PBRM1: variants seen among roughly 807,000 people sequenced by gnomAD.
The protein encoded by PBRM1 is protein polybromo-1.
PBRM1 carries 27 observed loss-of-function variants against 194.5 expected under a neutral mutation model. The observed-to-expected ratio is 0.14, with a 90% confidence interval of 0.10 to 0.19. The LOEUF is 0.19. PBRM1 is among the 10% of genes least tolerant of loss of function. The probability of loss-of-function intolerance (pLI) is 1.00; values close to 1 mark genes in which losing one functional copy is unlikely to be tolerated. For missense variants in PBRM1, 1,466 were observed against 2,077.2 expected (o/e 0.71, Z 5.72); for synonymous variants, 655 against 693.2 (o/e 0.94, Z 0.87).
chr3:52,685,708 C>G (rs1479272612), intron 1 of PBRM1, 41 bp downstream of exon 1: 1 of 153,250 alleles, frequency 6.5e-6, no homozygotes, highest in Admixed American at 6.6e-5. Context: ...CGGCAGCTGA[C>G]CAAGGGGGAG....
At chr3:52,593,961 G>C (rs1026218158) in intron 17 of PBRM1, among the ~76,000 whole-genome samples, 9 of 152,168 alleles carry the variant, frequency 5.9e-5, no homozygotes, top group Admixed American at 5.9e-4. Flanking sequence ...CCAGTGTTGT[G>C]TTCAGGTCCG....
chr3:52,637,009 AC>A (rs995952861), intron 10 of PBRM1, among the ~76,000 whole-genome samples: 4 of 152,270 alleles, frequency 2.6e-5, no homozygotes, highest in African/African-American at 9.6e-5. Context: ...AAGTTCAGCC[AC>A]CACATAAAGC....
At chr3:52,644,673 A>T in intron 8 of PBRM1, 31 bp downstream of exon 9, 1 of 1,101,352 alleles carries the variant, frequency 9.1e-7, no homozygotes, top group Non-Finnish European at 1.4e-6. Flanking sequence ...ATGAGCCACC[A>T]CGCCCAGCCT....
intron 5 of PBRM1, among the ~76,000 whole-genome samples, chr3:52,655,060 A>C (rs1260560473): frequency 6.6e-6 from 1 of 151,996 alleles, no homozygotes; most frequent in Non-Finnish European, 1.5e-5. Context: ...CTTCTTTTAT[A>C]ATTTTTTTTA....
At chr3:52,626,908 T>C (rs1577019070) in intron 13 of PBRM1, among the ~76,000 whole-genome samples, 1 of 152,228 alleles carries the variant, frequency 6.6e-6, no homozygotes, top group East Asian at 1.9e-4. Flanking sequence ...AATTTCTCCT[T>C]ACCTTTCCTA....
At position 52,609,408 on chromosome 3, in the gene PBRM1, T is replaced by G. The variant is rs1371148077; in HGVS notation, c.2472A>C (p.Ile824=). 1 of 1,613,776 alleles carries G rather than the reference T, an allele frequency of 6.2e-7. No homozygotes were observed. The highest frequency in any genetic ancestry group is 8.5e-7 in the Non-Finnish European group (1 of 1,179,688). ...GATTATTTTCAACATTCTTCCTAAT[T>G]ATGTCAAATGTAAGGGGTGGTTTGT... The change falls in exon 16 of 30, where the codon ATA becomes ATC. Residue 824 remains isoleucine (I), a synonymous_variant. Coordinates refer to ENST00000296302, the Ensembl canonical transcript of PBRM1. The surrounding 1 kb of genome is among the most constrained non-coding windows in gnomAD (Gnocchi z 4.1).
chr3:52,550,348 A>G (rs2080632948), intron 29 of PBRM1, 73 bp downstream of exon 31: 1 of 638,316 alleles, frequency 1.6e-6, no homozygotes, highest in Admixed American at 3.1e-5. Flanking sequence ...TGTATGATAT[A>G]CTATGCTAAC....
chr3:52,598,729 T>TA (rs1226371125), intron 17 of PBRM1, among the ~76,000 whole-genome samples: 2 of 151,788 alleles, frequency 1.3e-5, no homozygotes, highest in Non-Finnish European at 2.9e-5. Context: ...ACAAGTAATT[T>TA]AAAAAATTAG....
At chr3:52,547,514 A>C (rs1298427362), downstream of PBRM1, 1 of 233,518 alleles carries the variant, frequency 4.3e-6, no homozygotes, top group Admixed American at 5.6e-5. Flanking sequence ...CTTCATCTGT[A>C]AGAAACAGCT....
intron 1 of PBRM1, 116 bp downstream of exon 1, chr3:52,685,633 G>A (rs1409479097): frequency 2.0e-5 from 3 of 147,062 alleles, no homozygotes; most frequent in African/African-American, 7.4e-5. Flanking sequence ...CCCGACCCGC[G>A]CGTCCCCACG....
At chr3:52,658,291 T>C (rs1185988525) in exon 5 of PBRM1, 1 of 1,609,844 alleles carries the variant, frequency 6.2e-7, no homozygotes, top group Admixed American at 1.7e-5. Context: ...TGCTCCAGGA[T>C]CTCCTTCAAG....
intron 3 of PBRM1, among the ~76,000 whole-genome samples, chr3:52,667,589 C>T (rs2096865311): frequency 6.6e-6 from 1 of 151,372 alleles, no homozygotes; most frequent in Non-Finnish European, 1.5e-5. Flanking sequence ...CCCATCTCCA[C>T]TAAAAATACA....
chr3:52,555,487 C>G (rs2082023835), intron 26 of PBRM1, among the ~76,000 whole-genome samples: 1 of 152,160 alleles, frequency 6.6e-6, no homozygotes, highest in East Asian at 1.9e-4. Context: ...TTCTAAGAAC[C>G]ATCACAGTGA....
rs187353142 is a variant in PBRM1, at chr3:52,676,925, T to C, written c.236+1575A>G. Among the ~76,000 whole-genome samples, 140 of 152,356 alleles carry C rather than the reference T, an allele frequency of 9.2e-4. 1 individual carries two copies. The highest frequency in any genetic ancestry group is 5.8e-3 in the South Asian group (28 of 4,826). ...GCATTTCGCCCCTGCTCTAGAGATC[T>C]GTGGAAGTTTGAACTTGAGAAAGAT... On this transcript the variant is annotated intron_variant, in intron 2 of 29. Coordinates refer to ENST00000296302, the Ensembl canonical transcript of PBRM1.
chr3:52,602,470 T>C (rs1222336299), intron 17 of PBRM1, among the ~76,000 whole-genome samples: 3 of 152,234 alleles, frequency 2.0e-5, no homozygotes, highest in African/African-American at 4.8e-5. Context: ...CCAGGTTCTT[T>C]TGCATCTTCC....
At chr3:52,667,426 T>C (rs1421439173) in intron 3 of PBRM1, among the ~76,000 whole-genome samples, 1 of 151,914 alleles carries the variant, frequency 6.6e-6, no homozygotes, top group Non-Finnish European at 1.5e-5. Context: ...GAAACACATA[T>C]AATCAAAAAA....
chr3:52,679,766 ACT>A, upstream of PBRM1: 1 of 1,540,038 alleles, frequency 6.5e-7, no homozygotes, highest in Admixed American at 1.8e-5. Context: ...ATTTAAATAG[ACT>A]CTGTCACCAA....
exon 30 of PBRM1, chr3:52,548,122 C>T (rs1413674197): frequency 6.2e-7 from 1 of 1,610,900 alleles, no homozygotes; most frequent in Non-Finnish European, 8.5e-7. Context: ...AGCATCAAAT[C>T]TCGAAGGCGC....
chr3:52,677,138 G>T (rs961723663), intron 2 of PBRM1, among the ~76,000 whole-genome samples: 1 of 152,164 alleles, frequency 6.6e-6, no homozygotes, highest in Admixed American at 6.5e-5. Context: ...CATGATATTG[G>T]ATTTGGCATT....
Sources: gnomAD v4.1 joint callset for allele counts (sites outside exome capture counted in the v4.1 genomes callset) on GRCh38, gnomAD v4.1.1 for gene constraint, Gnocchi (gnomAD v3.1) non-coding constraint, MANE v1.5 for transcripts, NCBI Gene and HGNC (gene_info 2026-07-23, HGNC 2026-07-21) for gene names.